Variants in SNX29 observed in about 807,000 individuals in gnomAD.
The protein encoded by SNX29 is sorting nexin-29.
Under a neutral mutation model 102.1 loss-of-function variants are expected in SNX29, and 78 were observed. The observed-to-expected ratio is 0.76, with a 90% CI of 0.64 to 0.92. The LOEUF (loss-of-function observed/expected upper bound fraction) is 0.92, where lower values mean the gene tolerates loss of function less well. Ranked by LOEUF, SNX29 falls within the 40% of genes least tolerant of loss-of-function variation. SNX29 has a pLI of 0.00. For missense variants in SNX29, 1,280 were observed against 1,061.7 expected, an observed-to-expected ratio of 1.21 and a Z score of -2.86; for synonymous variants, 580 against 414.5, an observed-to-expected ratio of 1.40 and a Z score of -4.85.
intron 14 of SNX29, among the ~76,000 whole-genome samples, chr16:12,213,282 G>A (rs1293203271): frequency 6.6e-6 from 1 of 152,102 alleles, no homozygotes; most frequent in African/African-American, 2.4e-5. Context: ...CAAGCTGTGG[G>A]CACACAGGGG....
chr16:12,545,329 G>A (rs1467584751), intron 20 of SNX29, among the ~76,000 whole-genome samples: 3 of 119,390 alleles, frequency 2.5e-5, no homozygotes, highest in Non-Finnish European at 6.3e-5. Flanking sequence ...ACCAGAGAAA[G>A]GGTGTCACAT....
chr16:12,023,092 T>C (rs1029979875), intron 3 of SNX29, among the ~76,000 whole-genome samples: 3 of 151,928 alleles, frequency 2.0e-5, no homozygotes, highest in African/African-American at 7.3e-5. Context: ...AGTTGAGATT[T>C]CACCCTGTTG....
At position 12,001,044 on chromosome 16, in the gene SNX29, C is replaced by T. The variant is rs535939925; in HGVS notation, c.69+1686C>T. On this transcript the variant is annotated intron_variant, in intron 2 of 20. Transcript: ENST00000566228. ...TGCAGAAATGGAAAATATAATAAGG[C>T]GAAGAGGCAAGTTGAACTACTTTAA... Among the ~76,000 whole-genome samples the T allele has an allele frequency of 1.6e-4, 25 of 152,142 alleles. No homozygotes were observed. In the South Asian group the frequency reaches 3.7e-3, roughly 23 times the overall value.
At chr16:12,038,829 A>T (rs372798095) in intron 4 of SNX29, 1 of 152,182 alleles carries the variant, frequency 6.6e-6, no homozygotes. Context: ...CGTACCGACA[A>T]TGGTCTGGGG....
At chr16:12,554,759 C>T (rs377631283) in intron 20 of SNX29, among the ~76,000 whole-genome samples, 2,340 of 152,192 alleles carry the variant, frequency 0.015, 55 homozygotes, top group African/African-American at 0.053. Context: ...TGTATTAGAA[C>T]GTGCTCTCTC....
chr16:12,472,074 CAG>C (rs1407681953), intron 18 of SNX29, among the ~76,000 whole-genome samples: 1 of 152,196 alleles, frequency 6.6e-6, no homozygotes, highest in Non-Finnish European at 1.5e-5. Flanking sequence ...TGGATACAAA[CAG>C]GGAAATATTC....
chr16:12,327,471 G>A (rs143697724), intron 15 of SNX29, among the ~76,000 whole-genome samples: 49 of 151,770 alleles, frequency 3.2e-4, no homozygotes, highest in Non-Finnish European at 4.4e-4. Flanking sequence ...GTTTATAGAC[G>A]GCCGTCTTCC....
chr16:12,488,069 G>GTA (rs2088338674), intron 19 of SNX29, among the ~76,000 whole-genome samples: 1 of 152,082 alleles, frequency 6.6e-6, no homozygotes, highest in Non-Finnish European at 1.5e-5. Context: ...CTATGCATAG[G>GTA]TATATATATG....
chr16:11,997,916 G>C (rs764524231), intron 1 of SNX29, among the ~76,000 whole-genome samples: 16 of 152,300 alleles, frequency 1.1e-4, no homozygotes, highest in South Asian at 2.1e-4. Context: ...ACAATCACTT[G>C]ACTTCCCCGA....
chr16:12,544,646 G>A (rs994909172), intron 20 of SNX29, among the ~76,000 whole-genome samples: 1 of 152,202 alleles, frequency 6.6e-6, no homozygotes, highest in African/African-American at 2.4e-5. Flanking sequence ...GTTCATGTCA[G>A]ACTGTTTACT....
intron 14 of SNX29, among the ~76,000 whole-genome samples, chr16:12,203,732 C>G (rs888851544): frequency 2.0e-5 from 3 of 152,220 alleles, no homozygotes; most frequent in African/African-American, 7.2e-5. Flanking sequence ...GTGGGCTTCT[C>G]TTGGACTCTT....
intron 16 of SNX29, among the ~76,000 whole-genome samples, chr16:12,383,232 G>T (rs981028386): frequency 3.3e-5 from 5 of 152,096 alleles, no homozygotes; most frequent in Non-Finnish European, 7.3e-5. Context: ...TCCTGTTAGG[G>T]TGGAAAGATA....
At chr16:12,027,794 T>C (rs969647100) in intron 4 of SNX29, 4 of 176,808 alleles carry the variant, frequency 2.3e-5, no homozygotes, top group African/African-American at 7.2e-5. Flanking sequence ...TGGCATTTCA[T>C]AATTAATGTC....
rs1305020469 is a variant in SNX29 at position 12,483,302 on chromosome 16, C to T, written c.2178+5443C>T. 4.9e-5 allele frequency among the ~76,000 whole-genome samples: 7 copies of T among 142,704 alleles called. No homozygotes were observed. The Admixed American group carries it at 5.0e-4, about 10-fold the overall frequency. 93.6% of individuals were successfully genotyped at this position (142,704 alleles called of 152,430 possible). On this transcript the variant is annotated intron_variant, in intron 19 of 20. Transcript: ENST00000566228. ...GAGATTACAGGTGTGAGCCACTGCA[C>T]CTGGCCATTTACTTTTCTTTTTTTT...
At chr16:12,227,225 G>C (rs1233805183) in intron 14 of SNX29, among the ~76,000 whole-genome samples, 1 of 152,184 alleles carries the variant, frequency 6.6e-6, no homozygotes, top group African/African-American at 2.4e-5. Context: ...ATCCCACAGA[G>C]CTGAATGTTC....
chr16:12,116,143 T>G (rs2053691226), intron 11 of SNX29, among the ~76,000 whole-genome samples: 1 of 152,228 alleles, frequency 6.6e-6, no homozygotes, highest in South Asian at 2.1e-4. Flanking sequence ...GGAAACAGTT[T>G]GGTGGATCCT....
At chr16:12,033,630 T>G (rs1323772186) in intron 4 of SNX29, among the ~76,000 whole-genome samples, 1 of 150,630 alleles carries the variant, frequency 6.6e-6, no homozygotes, top group African/African-American at 2.4e-5. Flanking sequence ...TTTTTTGAGA[T>G]GGAGTCTGAT....
At chr16:12,349,584 A>G (rs759765473) in intron 15 of SNX29, among the ~76,000 whole-genome samples, 6 of 152,226 alleles carry the variant, frequency 3.9e-5, no homozygotes, top group Non-Finnish European at 8.8e-5. Context: ...TGGGATGCTC[A>G]TCCTGTAAGT....
intron 19 of SNX29, among the ~76,000 whole-genome samples, chr16:12,489,457 G>A (rs1238178696): frequency 6.6e-6 from 1 of 152,206 alleles, no homozygotes; most frequent in African/African-American, 2.4e-5. Context: ...CAGGGAAAGA[G>A]CTTGGGCTGT....
Sources: allele counts gnomAD v4.1 joint callset (sites outside exome capture counted in the v4.1 genomes callset), GRCh38; gene constraint gnomAD v4.1.1; transcripts MANE v1.5; gene names NCBI Gene and HGNC (gene_info 2026-07-23, HGNC 2026-07-21).